Variants in ZNF235 observed in about 807,000 individuals in gnomAD.
ZNF235 encodes zfp-93.
A neutral mutation model predicts 29.4 loss-of-function variants in ZNF235; 25 were observed. That is an observed-to-expected ratio of 0.85 (90% CI 0.62 to 1.19). The LOEUF (loss-of-function observed/expected upper bound fraction) is 1.19, where lower values mean the gene tolerates loss of function less well. Ranked by LOEUF, ZNF235 falls within the 50% of genes most tolerant of loss-of-function variation. The pLI, the probability that ZNF235 is intolerant of heterozygous loss-of-function variation, is 0.00. For synonymous variants in ZNF235, 300 were observed against 295.3 expected (o/e 1.02, Z -0.16); for missense variants, 788 against 885.0 (o/e 0.89, Z 1.39).
intron 4 of ZNF235, chr19:44,290,318 T>C (rs948591406): frequency 2.0e-5 from 3 of 153,558 alleles, no homozygotes; most frequent in African/African-American, 4.8e-5. Context: ...TCTTTGGAAA[T>C]GGCCAACCAG....
intron 4 of ZNF235, among the ~76,000 whole-genome samples, chr19:44,291,517 C>T (rs1233906382): frequency 1.3e-5 from 2 of 151,988 alleles, no homozygotes; most frequent in Non-Finnish European, 2.9e-5. Flanking sequence ...TTAATAAACT[C>T]TAGCACTCAT....
chr19:44,301,189 C>T (rs1379926592), intron 2 of ZNF235, among the ~76,000 whole-genome samples: 1 of 152,132 alleles, frequency 6.6e-6, no homozygotes, highest in Non-Finnish European at 1.5e-5. Context: ...TAAATTCCTA[C>T]CCCGCACCTG....
chr19:44,291,622 T>C (rs183521962), intron 4 of ZNF235, among the ~76,000 whole-genome samples: 3 of 152,280 alleles, frequency 2.0e-5, no homozygotes, highest in Non-Finnish European at 4.4e-5. Flanking sequence ...ATAAGGGACT[T>C]ATGAACTTTA....
chr19:44,288,412 G>A lies in ZNF235; in HGVS notation c.1023C>T (p.His341=), dbSNP rs773554540. The A allele has an allele frequency of 3.8e-5, 62 of 1,614,100 alleles. No homozygotes were observed. The highest frequency in any genetic ancestry group is 4.7e-5 in the Non-Finnish European group (56 of 1,180,050). ...GGCATGTATAGGGTTTCTCCCCTGT[G>A]TGGACTCTCTGATGAGTTTGCAGAT... ...SSNLQTHQRV[H]TGEKPYTCHE... Residue 341 remains histidine (H), a synonymous_variant, in exon 5 of 5, where the codon CAC becomes CAT. Coordinates refer to ENST00000291182, the MANE Select transcript of ZNF235 (RefSeq NM_004234.4).
Position 44,288,001 on chromosome 19 carries a change from T to G in ZNF235, c.1434A>C (p.Gln478His). Residue 478 changes from glutamine to histidine, a missense_variant, in exon 5 of 5, where the codon CAA (glutamine) becomes CAC (histidine). Gln to His is a conservative substitution (Grantham distance 24). Coordinates refer to ENST00000291182, the MANE Select transcript of ZNF235 (RefSeq NM_004234.4). ...ATGGTTTTTCTCCTGTGTGGACTCG[T>G]TGATGACTATGAAGATTAAAGCTCA... ...FSLSFNLHSH[Q>H]RVHTGEKPYK... 2 of 1,612,900 alleles carry G rather than the reference T, an allele frequency of 1.2e-6. No individual in the cohort carries two copies. The highest frequency in any genetic ancestry group is 1.7e-6 in the Non-Finnish European group (2 of 1,179,662).
chr19:44,302,633 T>C (rs1045037826), intron 2 of ZNF235, among the ~76,000 whole-genome samples: 3 of 151,328 alleles, frequency 2.0e-5, no homozygotes, highest in African/African-American at 7.3e-5. Context: ...TGTGTGCCCG[T>C]GGTCCCACCT....
chr19:44,299,741 T>C lies in ZNF235; in HGVS notation c.16-9A>G. 6.2e-7 allele frequency: 1 copy of C among 1,613,790 alleles called. No individual in the cohort carries two copies. ...TTGAATGTCACTGCCTCCTAGAACA[T>C]CAAGCACATGTAACCTCAATCTCAC... On this transcript the variant is annotated splice_polypyrimidine_tract_variant and intron_variant, in intron 2 of 4. Coordinates refer to ENST00000291182, the MANE Select transcript of ZNF235 (RefSeq NM_004234.4).
chr19:44,303,002 A>ATATTTATATATG (rs1325021487), intron 2 of ZNF235, among the ~76,000 whole-genome samples: 3 of 135,718 alleles, frequency 2.2e-5, no homozygotes, highest in African/African-American at 8.6e-5. Flanking sequence ...ATATATACAT[A>ATATTTATATATG]TATACGTATA....
intron 4 of ZNF235, 102 bp downstream of exon 4, chr19:44,298,706 T>C (rs746928195): frequency 1.9e-5 from 17 of 918,180 alleles, no homozygotes; most frequent in Non-Finnish European, 2.5e-5. Context: ...ATGACAGATG[T>C]TTTTTAAAAA....
At chr19:44,303,165 TAA>T (rs1185697623) in intron 2 of ZNF235, among the ~76,000 whole-genome samples, 3 of 144,346 alleles carry the variant, frequency 2.1e-5, no homozygotes, top group African/African-American at 7.5e-5. Flanking sequence ...TACGTATATA[TAA>T]ATATATAATT....
chr19:44,290,035 G>T (rs997396457), intron 4 of ZNF235: 3 of 152,358 alleles, frequency 2.0e-5, no homozygotes, highest in Non-Finnish European at 2.9e-5. Context: ...GGGGTCAGAA[G>T]TCACCATGCC....
At chr19:44,292,555 A>G (rs891891098) in intron 4 of ZNF235, among the ~76,000 whole-genome samples, 4 of 151,814 alleles carry the variant, frequency 2.6e-5, no homozygotes, top group Non-Finnish European at 4.4e-5. Flanking sequence ...TAAAGAAAAA[A>G]GAATAAGGAA....
chr19:44,302,457 G>C (rs984412330), intron 2 of ZNF235, among the ~76,000 whole-genome samples: 17 of 152,040 alleles, frequency 1.1e-4, no homozygotes, highest in African/African-American at 4.1e-4. Context: ...AAGGAATGTG[G>C]GAAATGATTT....
intron 4 of ZNF235, among the ~76,000 whole-genome samples, chr19:44,295,746 C>T (rs1010918985): frequency 3.3e-5 from 5 of 152,008 alleles, no homozygotes; most frequent in African/African-American, 1.2e-4. Flanking sequence ...AATAGATACA[C>T]AGATCAATGG....
Position 44,287,149 on chromosome 19 carries a change from T to G in ZNF235, c.*69A>C, listed in dbSNP as rs1975496745. 1 of 1,461,044 alleles carries G rather than the reference T, an allele frequency of 6.8e-7. No homozygotes were observed. Among genetic ancestry groups the G allele is most frequent in the Non-Finnish European group, 9.1e-7 (1 of 1,092,936 alleles). 90.5% of individuals were successfully genotyped at this position (1,461,044 alleles called of 1,614,324 possible). ...GTTTTAAAGGAACTTTTCACAATCA[T>G]CAGCATGGACTTCCCAACGGAGACA... On this transcript the variant is annotated 3_prime_UTR_variant, in exon 5 of 5. Coordinates refer to ENST00000291182, the MANE Select transcript of ZNF235 (RefSeq NM_004234.4).
In ZNF235 at chr19:44,287,144, A is replaced by G. The variant is rs931305060; in HGVS notation, c.*74T>C. The G allele has an allele frequency of 2.1e-6, 3 of 1,440,736 alleles. No individual in the cohort carries two copies. The African/African-American group carries it at 4.3e-5, about 20-fold the overall frequency. The allele number at this position is 1,440,736 out of a possible 1,614,324, so 89.2% of individuals were successfully genotyped here. A position where few individuals can be genotyped will look rare whatever the true frequency, so the allele number is the denominator to read the frequency against. Reference sequence around the variant, plus strand: ...TTCTAGTTTTAAAGGAACTTTTCACAATCATCAGCATGGACTTCCCAACGG... The same window carrying G: ...TTCTAGTTTTAAAGGAACTTTTCACGATCATCAGCATGGACTTCCCAACGG... On this transcript the variant is annotated 3_prime_UTR_variant, in exon 5 of 5. Coordinates refer to ENST00000291182, the MANE Select transcript of ZNF235 (RefSeq NM_004234.4).
Position 44,303,425 on chromosome 19 carries a change from GA to G in ZNF235, c.-22del. ...GTCATTTTTCCCCTCCTCCTTCTGG[GA>G]AAAGGCAGAGTTCCGGGGAAGTGAA... On this transcript the variant is annotated 5_prime_UTR_variant, in exon 2 of 5. Transcript: ENST00000291182. The G allele has an allele frequency of 1.2e-6, 2 of 1,609,388 alleles. No individual in the cohort carries two copies. The highest frequency in any genetic ancestry group is 1.7e-6 in the Non-Finnish European group (2 of 1,177,178).
chr19:44,289,019 G>C lies in ZNF235; in HGVS notation c.416C>G (p.Ser139Cys). The C allele has an allele frequency of 6.2e-7, 1 of 1,614,144 alleles. No homozygotes were observed. Among genetic ancestry groups the C allele is most frequent in the Non-Finnish European group, 8.5e-7 (1 of 1,180,016 alleles). The part of the protein sequence containing the change: ...KSSQFPKHHD[S>C]PCQVGAGESI... Reference sequence around the variant, plus strand: ...TTCTCCTGCTCCCACTTGACAGGGGGAATCATGGTGCTTGGGGAACTGAGA... The same window carrying C: ...TTCTCCTGCTCCCACTTGACAGGGGCAATCATGGTGCTTGGGGAACTGAGA... Residue 139 changes from serine to cysteine, a missense_variant, in exon 5 of 5, where the codon TCC becomes TGC. Ser to Cys is a moderately radical substitution (Grantham distance 112). Coordinates refer to ENST00000291182, the MANE Select transcript of ZNF235 (RefSeq NM_004234.4).
intron 3 of ZNF235, among the ~76,000 whole-genome samples, chr19:44,299,279 T>A (rs1975699378): frequency 6.6e-6 from 1 of 152,174 alleles, no homozygotes; most frequent in South Asian, 2.1e-4. Context: ...CAATGGATCA[T>A]GACCCACAAG....
Sources: gnomAD v4.1 joint callset for allele counts (sites outside exome capture counted in the v4.1 genomes callset) on GRCh38, gnomAD v4.1.1 for gene constraint, MANE v1.5 for transcripts, NCBI Gene and HGNC (gene_info 2026-07-23, HGNC 2026-07-21) for gene names.